The following ATP2B2 variants were observed in gnomAD, a reference collection of about 807,000 sequenced individuals.
ATP2B2 encodes the protein ATPase plasma membrane Ca2+ transporting 2.
In ATP2B2, 15 loss-of-function variants were observed where a neutral mutation model predicts 120.0. The ratio of observed to expected loss-of-function variants is 0.12; its 90% CI spans 0.08 to 0.19. The LOEUF (loss-of-function observed/expected upper bound fraction) is 0.19, where lower values mean the gene tolerates loss of function less well. ATP2B2 is among the 10% of genes least tolerant of loss of function. ATP2B2 has a pLI of 1.00. For synonymous variants in ATP2B2, 694 were observed against 700.3 expected, an observed-to-expected ratio of 0.99 and a Z score of 0.14; for missense variants, 1,045 against 1,719.8, an observed-to-expected ratio of 0.61 and a Z score of 6.94.
chr3:10,432,420 T>C (rs576343309), intron 2 of ATP2B2, among the ~76,000 whole-genome samples: 5 of 152,280 alleles, frequency 3.3e-5, no homozygotes, highest in African/African-American at 7.2e-5. Flanking sequence ...GGGGCAGGTA[T>C]GGGAGTGGGG....
chr3:10,569,718 G>C (rs969834292), intron 2 of ATP2B2, among the ~76,000 whole-genome samples: 4 of 152,060 alleles, frequency 2.6e-5, no homozygotes, highest in African/African-American at 9.7e-5. Flanking sequence ...AACACTCTGG[G>C]GTGAAAGTGA....
At chr3:10,499,770 C>T (rs1341177891) in intron 1 of ATP2B2, among the ~76,000 whole-genome samples, 3 of 152,066 alleles carry the variant, frequency 2.0e-5, no homozygotes, top group Admixed American at 6.6e-5. Flanking sequence ...CTTCATAGGG[C>T]TGGCTGGAAT....
chr3:10,547,227 C>T (rs1393984621), intron 2 of ATP2B2, among the ~76,000 whole-genome samples: 1 of 152,174 alleles, frequency 6.6e-6, no homozygotes, highest in Admixed American at 6.5e-5. Flanking sequence ...CTCAGCGGCT[C>T]TGGTTGGGGC....
chr3:10,650,834 A>G (rs1195145889), intron 1 of ATP2B2, among the ~76,000 whole-genome samples: 6 of 152,238 alleles, frequency 3.9e-5, no homozygotes, highest in African/African-American at 9.6e-5. Context: ...GAGGGGAGCT[A>G]TGCCCTGCAA....
chr3:10,605,001 C>A (rs763851433), intron 2 of ATP2B2, among the ~76,000 whole-genome samples: 54 of 152,186 alleles, frequency 3.5e-4, no homozygotes, highest in Non-Finnish European at 5.4e-4. Context: ...TAAAAGTGCT[C>A]CTGCTGCTTT....
intron 2 of ATP2B2, among the ~76,000 whole-genome samples, chr3:10,581,707 T>C (rs4684717): frequency 0.13 from 19,848 of 152,220 alleles, 1,960 homozygotes; most frequent in East Asian, 0.28. Flanking sequence ...GTCTTCCCTA[T>C]AGCCAAAATG....
intron 1 of ATP2B2, among the ~76,000 whole-genome samples, chr3:10,482,335 C>T (rs2065448128): frequency 6.6e-6 from 1 of 152,176 alleles, no homozygotes; most frequent in Non-Finnish European, 1.5e-5. Context: ...CCCAGCTCTA[C>T]CACACTCCAG....
At chr3:10,589,238 G>T (rs1419697007) in intron 2 of ATP2B2, among the ~76,000 whole-genome samples, 2 of 152,200 alleles carry the variant, frequency 1.3e-5, no homozygotes, top group Non-Finnish European at 2.9e-5. Flanking sequence ...GTGGCCCAGA[G>T]AGGCTGTCAG....
At chr3:10,572,905 T>C (rs1412080167) in intron 2 of ATP2B2, among the ~76,000 whole-genome samples, 1 of 152,126 alleles carries the variant, frequency 6.6e-6, no homozygotes, top group Non-Finnish European at 1.5e-5. Flanking sequence ...ATCTCTCAGC[T>C]CCAAGTCCAG....
chr3:10,634,687 T>C (rs1412207874), intron 1 of ATP2B2, among the ~76,000 whole-genome samples: 1 of 152,220 alleles, frequency 6.6e-6, no homozygotes, highest in Non-Finnish European at 1.5e-5. Flanking sequence ...GTCCCCTGCC[T>C]CCAGCAGGGT....
chr3:10,634,142 C>T (rs924647716), intron 1 of ATP2B2, among the ~76,000 whole-genome samples: 1 of 152,208 alleles, frequency 6.6e-6, no homozygotes, highest in Non-Finnish European at 1.5e-5. Flanking sequence ...AATGAGATGG[C>T]GACTGAGTTC....
chr3:10,697,694 G>A (rs545215218), intron 1 of ATP2B2, among the ~76,000 whole-genome samples: 4 of 152,210 alleles, frequency 2.6e-5, no homozygotes, highest in Admixed American at 6.5e-5. Context: ...GCATTTTCTC[G>A]ACAACTAAAT....
intron 1 of ATP2B2, among the ~76,000 whole-genome samples, chr3:10,496,021 G>A (rs765913811): frequency 1.3e-5 from 2 of 152,210 alleles, no homozygotes; most frequent in Non-Finnish European, 2.9e-5. Flanking sequence ...AGCTAATACT[G>A]GTTTTATTGA....
chr3:10,329,254 GTTA>G lies in ATP2B2; in HGVS notation c.3421-132_3421-130del. 2 of 914,350 alleles carry G rather than the reference GTTA, an allele frequency of 2.2e-6. No homozygotes were observed. Among genetic ancestry groups the G allele is most frequent in the East Asian group, 4.9e-5 (2 of 40,964 alleles). The allele number at this position is 914,350 out of a possible 1,614,324, so 56.6% of individuals were successfully genotyped here. On this transcript the variant is annotated intron_variant, in intron 22 of 22. Coordinates refer to ENST00000360273, the MANE Select transcript of ATP2B2 (RefSeq NM_001001331.4). The surrounding 1 kb of genome is among the most constrained non-coding windows in gnomAD (Gnocchi z 5.9). The stretch of plus-strand genomic sequence containing the variant: ...TGGCTGGAATCCATAGTCGCTGGGT[GTTA>G]TTAGCATTGACAGGATGGGGGAGAG...
chr3:10,503,970 T>A (rs1218818675), intron 1 of ATP2B2, among the ~76,000 whole-genome samples: 1 of 152,210 alleles, frequency 6.6e-6, no homozygotes, highest in African/African-American at 2.4e-5. Context: ...GGGTTGTATT[T>A]ACAGGTGCTG....
At chr3:10,668,020 G>A (rs148787330) in intron 1 of ATP2B2, among the ~76,000 whole-genome samples, 1,554 of 152,274 alleles carry the variant, frequency 0.01, 27 homozygotes, top group African/African-American at 0.034. Flanking sequence ...GGGTGGGGGC[G>A]CTCAGTGGCC....
rs181257742 is a variant in ATP2B2, at chr3:10,647,770, A to C, written c.-459-27809T>G. ...GAAGTCTGAAGAGGTTTGAGAAGAG[A>C]GAAAAAGAAGTTGATGGTGATGAAT... On this transcript the variant is annotated intron_variant, in intron 1 of 21. Coordinates refer to the ATP2B2 transcript ENST00000646379. 3.0e-3 allele frequency among the ~76,000 whole-genome samples: 453 copies of C among 152,334 alleles called. 2 individuals are homozygous for C. The highest frequency in any genetic ancestry group is 8.4e-3 in the African/African-American group (350 of 41,568).
At chr3:10,631,892 G>A (rs1335231852) in intron 1 of ATP2B2, among the ~76,000 whole-genome samples, 3 of 152,210 alleles carry the variant, frequency 2.0e-5, no homozygotes, top group African/African-American at 7.2e-5. Flanking sequence ...GGTTTCAGGA[G>A]GGCTATCTTT....
chr3:10,444,637 T>C (rs2063777715), intron 2 of ATP2B2, among the ~76,000 whole-genome samples: 1 of 152,164 alleles, frequency 6.6e-6, no homozygotes, highest in Non-Finnish European at 1.5e-5. Context: ...CCAGGAAACA[T>C]GCTACGTGGC....
Sources: gnomAD v4.1 joint callset for allele counts (sites outside exome capture counted in the v4.1 genomes callset) on GRCh38, gnomAD v4.1.1 for gene constraint, Gnocchi (gnomAD v3.1) non-coding constraint, MANE v1.5 for transcripts, NCBI Gene and HGNC (gene_info 2026-07-23, HGNC 2026-07-21) for gene names.